Variants in KMT2D observed in about 807,000 individuals in gnomAD.
KMT2D encodes the protein histone-lysine N-methyltransferase 2D.
In KMT2D, 55 loss-of-function variants were observed where a neutral mutation model predicts 512.7. That is an observed-to-expected ratio of 0.11 (90% CI 0.09 to 0.13). The LOEUF (loss-of-function observed/expected upper bound fraction) is 0.13, where lower values mean the gene tolerates loss of function less well. KMT2D is among the 10% of genes least tolerant of loss of function. The pLI, the probability that KMT2D is intolerant of heterozygous loss-of-function variation, is 1.00. For synonymous variants in KMT2D, 2,995 were observed against 2,904.0 expected (o/e 1.03, Z -1.01); for missense variants, 6,061 against 7,127.9 (o/e 0.85, Z 5.39).
Position 49,044,369 on chromosome 12 carries a change from C to G in KMT2D, c.5083+34G>C, listed in dbSNP as rs1486130555. 6.2e-7 allele frequency: 1 copy of G among 1,613,788 alleles called. No homozygotes were observed. The highest frequency in any genetic ancestry group is 1.7e-5 in the Admixed American group (1 of 60,002). On this transcript the variant is annotated intron_variant, in intron 21 of 54. Transcript: ENST00000301067. The surrounding 1 kb of genome is among the most constrained non-coding windows in gnomAD (Gnocchi z 6.4). ...GACCTATTGAGCTGCCCCGCACCAC[C>G]CCACCACCCCACAACCCCATCCCAG...
Position 49,054,853 on chromosome 12 carries a change from T to C in KMT2D, c.176+47A>G, listed in dbSNP as rs749760606. Reference sequence around the variant, plus strand: ...ACTCATTTTCCTAAATTCTCTTCCTTGAAAGCCCTAGACTCTCAAATCCTC... The same window carrying C: ...ACTCATTTTCCTAAATTCTCTTCCTCGAAAGCCCTAGACTCTCAAATCCTC... On this transcript the variant is annotated intron_variant, in intron 3 of 54. Coordinates refer to ENST00000301067, the MANE Select transcript of KMT2D (RefSeq NM_003482.4). This position sits in a 1 kb window ranked among gnomAD's most constrained non-coding sequence, Gnocchi z 6.4. 50 of 1,604,694 alleles carry C rather than the reference T, an allele frequency of 3.1e-5. No individual in the cohort carries two copies. In the East Asian group the frequency reaches 3.4e-4, roughly 11 times the overall value.
In KMT2D at chr12:49,040,870, C is replaced by A. The variant is rs1453597957; in HGVS notation, c.6900G>T (p.Gly2300=). Residue 2300 remains glycine (G), a synonymous_variant, in exon 32 of 55, where the codon GGG becomes GGT. Coordinates refer to ENST00000301067, the MANE Select transcript of KMT2D (RefSeq NM_003482.4). The part of the protein sequence containing the change: ...EELGASSPSY[G]PPNLGFVDSP... Reference sequence around the variant, plus strand: ...AGTCAACAAAGCCCAGGTTTGGGGGCCCATAGCTAGGAGAGGATGCCCCAA... The same window carrying A: ...AGTCAACAAAGCCCAGGTTTGGGGGACCATAGCTAGGAGAGGATGCCCCAA... 1.2e-6 allele frequency: 2 copies of A among 1,613,750 alleles called. No individual in the cohort carries two copies. Among genetic ancestry groups the A allele is most frequent in the East Asian group, 2.2e-5 (1 of 44,854 alleles).
rs1467865602 is a variant in KMT2D at position 49,044,003 on chromosome 12, G to A, written c.5189-5C>T. 1.2e-6 allele frequency: 2 copies of A among 1,613,948 alleles called. No homozygotes were observed. The highest frequency in any genetic ancestry group is 1.7e-4 in the Middle Eastern group (1 of 6,052). ...CAGGCAGGTCAGCAGGTATCACTGT[G>A]GACAGAACGGAAGTGTCAGACTCGG... On this transcript the variant is annotated splice_region_variant and splice_polypyrimidine_tract_variant and intron_variant, in intron 22 of 54. Transcript: ENST00000301067. The surrounding 1 kb of genome is among the most constrained non-coding windows in gnomAD (Gnocchi z 6.4).
In KMT2D at chr12:49,020,213, G is replaced by A. The variant is rs1026470005; in HGVS notation, c.*1567C>T. On this transcript the variant is annotated 3_prime_UTR_variant, in exon 55 of 55. Coordinates refer to ENST00000301067, the MANE Select transcript of KMT2D (RefSeq NM_003482.4). Reference sequence around the variant, plus strand: ...GCTCTCTTTTGTGCGTTATAACATAGTCCAACTATACAACAGGGGGTGGGA... The same window carrying A: ...GCTCTCTTTTGTGCGTTATAACATAATCCAACTATACAACAGGGGGTGGGA... 3 of 175,722 alleles carry A rather than the reference G, an allele frequency of 1.7e-5. No individual in the cohort carries two copies. Among genetic ancestry groups the A allele is most frequent in the Admixed American group, 6.3e-5 (1 of 15,754 alleles). The allele number at this position is 175,722 out of a possible 1,614,324, so 10.9% of individuals were successfully genotyped here.
chr12:49,052,012 T>C lies in KMT2D; in HGVS notation c.1671A>G (p.Pro557=), dbSNP rs531954120. Residue 557 remains proline (P), a synonymous_variant, in exon 11 of 55, where the codon CCA becomes CCG. Transcript: ENST00000301067. ...GCGGGGAAGTGGGCAATTCCTCAGG[T>C]GGCGGGGACAAAGGAGATTCTTCAA... ...PPFEESPLSP[P]PEELPTSPPP... 3 of 1,610,900 alleles carry C rather than the reference T, an allele frequency of 1.9e-6. No individual in the cohort carries two copies. Among genetic ancestry groups the C allele is most frequent in the South Asian group, 1.1e-5 (1 of 90,954 alleles).
rs148365230 is a variant in KMT2D, at chr12:49,030,463, T to G, written c.13840-24A>C. On this transcript the variant is annotated intron_variant, in intron 42 of 54. Coordinates refer to ENST00000301067, the MANE Select transcript of KMT2D (RefSeq NM_003482.4). ...TTCTGAGGGGTGGGGGGTGGGGTGT[T>G]GTGTGCAAGATGGCATAGGGAGACT... 1,203 of 1,030,816 alleles carry G rather than the reference T, an allele frequency of 1.2e-3. 2 individuals carry two copies. Among genetic ancestry groups the G allele is most frequent in the Non-Finnish European group, 1.6e-3 (1,102 of 692,026 alleles). 63.9% of individuals were successfully genotyped at this position (1,030,816 alleles called of 1,614,324 possible). A position where few individuals can be genotyped will look rare whatever the true frequency, so the allele number is the denominator to read the frequency against.
Position 49,019,368 on chromosome 12 carries a change from G to A in KMT2D, c.*2412C>T, listed in dbSNP as rs1337033591. 2 of 138,370 alleles carry A rather than the reference G, an allele frequency of 1.4e-5. No homozygotes were observed. Among genetic ancestry groups the A allele is most frequent in the Admixed American group, 1.5e-4 (2 of 13,626 alleles). 8.6% of individuals were successfully genotyped at this position (138,370 alleles called of 1,614,324 possible). A position where few individuals can be genotyped will look rare whatever the true frequency, so the allele number is the denominator to read the frequency against. ...CAACCCAAAATACAAACACGGGGGC[G>A]GGGGGTGGGGTGGGGGATTCTGATG... On this transcript the variant is annotated 3_prime_UTR_variant, in exon 55 of 55. Transcript: ENST00000301067.
chr12:49,053,261 A>T lies in KMT2D; in HGVS notation c.900T>A (p.Thr300=), dbSNP rs1397101572. The change falls in exon 8 of 55, where the codon ACT becomes ACA. Residue 300 remains threonine (T), a synonymous_variant. Transcript: ENST00000301067. The part of the protein sequence containing the change: ...VCETCDKGYH[T]FCLKPPMEEL... ...CCTCCATGGGTGGTTTTAGGCAGAA[A>T]GTATGGTATCCTTTGTCACACGTCT... is the stretch of plus-strand genomic sequence containing the variant. 1.9e-6 allele frequency: 3 copies of T among 1,614,022 alleles called. No individual in the cohort carries two copies. The highest frequency in any genetic ancestry group is 2.5e-6 in the Non-Finnish European group (3 of 1,179,894).
rs1222329781 is a variant in KMT2D at position 49,031,657 on chromosome 12, T to C, written c.13048A>G (p.Thr4350Ala). ...HPGTPKPQGPTLEPPPGRVSP... is the reference protein window; with the variant it reads ...HPGTPKPQGPALEPPPGRVSP... ...ACCCTCCCAGGAGGCGGCTCCAAGGTTGGCCCCTGAGGTTTGGGGGTCCCT... is the reference window on the plus strand; with the variant it reads ...ACCCTCCCAGGAGGCGGCTCCAAGGCTGGCCCCTGAGGTTTGGGGGTCCCT... Residue 4350 changes from threonine to alanine, a missense_variant, in exon 40 of 55, where the codon ACC (threonine) becomes GCC (alanine). Physicochemically the swap from Thr to Ala is moderately conservative, Grantham distance 58. This residue lies in a region of KMT2D where 1,600 missense variants were observed against 1,754.9 expected (regional missense o/e 0.91). Coordinates refer to ENST00000301067, the MANE Select transcript of KMT2D (RefSeq NM_003482.4). 31 of 1,608,524 alleles carry C rather than the reference T, an allele frequency of 1.9e-5. No individual in the cohort carries two copies. The highest frequency in any genetic ancestry group is 2.5e-5 in the Non-Finnish European group (30 of 1,177,750).
rs375114492 is a variant in KMT2D at position 49,040,452 on chromosome 12, C to T, written c.7318G>A (p.Val2440Ile). The T allele has an allele frequency of 9.6e-6, 15 of 1,561,734 alleles. No individual in the cohort carries two copies. Among genetic ancestry groups the T allele is most frequent in the African/African-American group, 5.5e-5 (4 of 73,372 alleles). Residue 2440 changes from valine to isoleucine, a missense_variant, in exon 32 of 55, where the codon GTT (valine) becomes ATT (isoleucine). Physicochemically the swap from Val to Ile is conservative, Grantham distance 29. Coordinates refer to ENST00000301067, the MANE Select transcript of KMT2D (RefSeq NM_003482.4). ...TCAGGGGACTGGAAGCGAGGGGTAACGGGTGATGGGCAAAAAGCTTCAGCA... is the reference window on the plus strand; with the variant it reads ...TCAGGGGACTGGAAGCGAGGGGTAATGGGTGATGGGCAAAAAGCTTCAGCA... The part of the protein sequence containing the change: ...LSAEAFCPSP[V>I]TPRFQSPDPY...
At position 49,044,437 on chromosome 12, in the gene KMT2D, T is replaced by C. The variant is rs1271244553; in HGVS notation, c.5049A>G (p.Glu1683=). The C allele has an allele frequency of 1.9e-6, 3 of 1,613,916 alleles. No individual in the cohort carries two copies. Among genetic ancestry groups the C allele is most frequent in the South Asian group, 1.1e-5 (1 of 91,076 alleles). The change falls in exon 21 of 55, where the codon GAA becomes GAG. Residue 1683 remains glutamate, a synonymous_variant. Coordinates refer to ENST00000301067, the MANE Select transcript of KMT2D (RefSeq NM_003482.4). This position sits in a 1 kb window ranked among gnomAD's most constrained non-coding sequence, Gnocchi z 6.4. ...ATGGTTTACGCTTGCGTTTTTTGCT[T>C]TCCTCGGTCTCCTCTTTGCCAGGCT... The part of the protein sequence containing the change: ...DVEPGKEETE[E]SKKRKRKPYR...
Position 49,040,944 on chromosome 12 carries a change from G to A in KMT2D, c.6826C>T (p.Pro2276Ser), listed in dbSNP as rs368486128. The change falls in exon 32 of 55, where the codon CCA becomes TCA. Residue 2276 changes from proline (P) to serine (S), a missense_variant. Pro to Ser is a moderately conservative substitution (Grantham distance 74). This residue lies in a region of KMT2D where 710 missense variants were observed against 647.3 expected (regional missense o/e 1.10). Coordinates refer to ENST00000301067, the MANE Select transcript of KMT2D (RefSeq NM_003482.4). ...GCCTTCCGGGACTCCCCAAAAGGTG[G>A]GGGCGAGAGCAGGGGCTCGGAAGCT... ...GKASEPLLSP[P>S]PFGESRKALE... is the part of the protein sequence containing the mutation. The A allele has an allele frequency of 8.1e-6, 13 of 1,613,340 alleles. No individual in the cohort carries two copies. The African/African-American group carries it at 1.6e-4, about 20-fold the overall frequency.
rs769663534 is a variant in KMT2D, at chr12:49,040,375, T to C, written c.7395A>G (p.Pro2465=). The stretch of plus-strand genomic sequence containing the variant: ...GCTGGGGTCGGGGTGGCTTATGCAA[T>C]GGGGCAAATGGGTCACGGGACTGAG... ...SRPQSRDPFA[P]LHKPPRPQPP... is the part of the protein sequence containing the mutation. Residue 2465 remains proline (P), a synonymous_variant, in exon 32 of 55, where the codon CCA becomes CCG. Transcript: ENST00000301067. 2.6e-5 allele frequency: 41 copies of C among 1,564,004 alleles called. No individual in the cohort carries two copies. The highest frequency in any genetic ancestry group is 3.3e-5 in the Non-Finnish European group (38 of 1,154,458).
At position 49,041,521 on chromosome 12, in the gene KMT2D, C is replaced by T. The variant is rs755226219; in HGVS notation, c.6249G>A (p.Gln2083=). 1.2e-5 allele frequency: 20 copies of T among 1,613,398 alleles called. No individual in the cohort carries two copies. The South Asian group carries it at 2.2e-4, about 18-fold the overall frequency. ...INKVQKQAES[Q]INKQTKVGDI... ...CGCCCACCTTGGTCTGCTTGTTGATCTGGCTCTCAGCCTGCTACAGGGGGA... is the reference window on the plus strand; with the variant it reads ...CGCCCACCTTGGTCTGCTTGTTGATTTGGCTCTCAGCCTGCTACAGGGGGA... The change falls in exon 32 of 55, where the codon CAG becomes CAA. Residue 2083 remains glutamine, a synonymous_variant. Transcript: ENST00000301067. The surrounding 1 kb of genome is among the most constrained non-coding windows in gnomAD (Gnocchi z 5.4).
Position 49,038,379 on chromosome 12 carries a change from G to C in KMT2D, c.8977C>G (p.Leu2993Val), listed in dbSNP as rs2120495854. Residue 2993 changes from leucine to valine, a missense_variant, in exon 35 of 55, where the codon CTG becomes GTG. By Grantham distance (32) the Leu-to-Val change is conservative. This residue lies in a region of KMT2D where 527 missense variants were observed against 578.9 expected (regional missense o/e 0.91). Coordinates refer to ENST00000301067, the MANE Select transcript of KMT2D (RefSeq NM_003482.4). This position sits in a 1 kb window ranked among gnomAD's most constrained non-coding sequence, Gnocchi z 5.7. Reference protein sequence around the residue: ...AGKLPCEDPELDDDFDAHKAL... With the variant: ...AGKLPCEDPEVDDDFDAHKAL... ...TTGTGGGCATCAAAATCGTCATCCA[G>C]CTCGGGATCCTCACAGGGCAACTTC... 2 of 1,613,924 alleles carry C rather than the reference G, an allele frequency of 1.2e-6. No homozygotes were observed. The highest frequency in any genetic ancestry group is 1.7e-6 in the Non-Finnish European group (2 of 1,179,894).
Position 49,054,495 on chromosome 12 carries a change from T to C in KMT2D, c.400+33A>G, listed in dbSNP as rs2120710059. 1 of 1,588,424 alleles carries C rather than the reference T, an allele frequency of 6.3e-7. No homozygotes were observed. The highest frequency in any genetic ancestry group is 8.6e-7 in the Non-Finnish European group (1 of 1,165,692). ...TGCTGGCTCAGGACTACCCAGCCCT[T>C]ATCCCATTTCCTGCCCCATTCTCCT... is the stretch of plus-strand genomic sequence containing the variant. On this transcript the variant is annotated intron_variant, in intron 4 of 54. Coordinates refer to ENST00000301067, the MANE Select transcript of KMT2D (RefSeq NM_003482.4). The surrounding 1 kb of genome is among the most constrained non-coding windows in gnomAD (Gnocchi z 6.4).
chr12:49,046,238 G>A lies in KMT2D; in HGVS notation c.4583+22C>T, dbSNP rs1396145241. ...GCGAGGCTGGCAACAGGGCCAAAGTGAGGAGAAAGGGATGTTCTCACCGTT... is the reference window on the plus strand; with the variant it reads ...GCGAGGCTGGCAACAGGGCCAAAGTAAGGAGAAAGGGATGTTCTCACCGTT... On this transcript the variant is annotated intron_variant, in intron 17 of 54. Coordinates refer to ENST00000301067, the MANE Select transcript of KMT2D (RefSeq NM_003482.4). This position sits in a 1 kb window ranked among gnomAD's most constrained non-coding sequence, Gnocchi z 4.2. 6.2e-7 allele frequency: 1 copy of A among 1,613,874 alleles called. No homozygotes were observed. The highest frequency in any genetic ancestry group is 1.1e-5 in the South Asian group (1 of 91,070).
rs1420789348 is a variant in KMT2D at position 49,038,615 on chromosome 12, T to C, written c.8741A>G (p.His2914Arg). 2.5e-6 allele frequency: 4 copies of C among 1,612,824 alleles called. No homozygotes were observed. The East Asian group carries it at 8.9e-5, about 36-fold the overall frequency. The change falls in exon 35 of 55, where the codon CAC becomes CGC. Residue 2914 changes from histidine to arginine, a missense_variant. By Grantham distance (29) the His-to-Arg change is conservative. Coordinates refer to ENST00000301067, the MANE Select transcript of KMT2D (RefSeq NM_003482.4). This position sits in a 1 kb window ranked among gnomAD's most constrained non-coding sequence, Gnocchi z 5.7. The part of the protein sequence containing the change: ...PRFYPVSEDP[H>R]RLAPEGLRGL... ...CCGAAGCCCTTCAGGAGCCAGTCGG[T>C]GGGGGTCCTCACTTACAGGGTAAAA... is the stretch of plus-strand genomic sequence containing the variant.
chr12:49,021,862 T>G lies in KMT2D; in HGVS notation c.16532A>C (p.Asp5511Ala). ...RIPKGEELTY[D>A]YQFDFEDDQH... ...ATCGTCCTCAAAATCAAACTGATAG[T>G]CATAGGTTAGCTGAAAAGAGAAGAG... The change falls in exon 55 of 55, where the codon GAC becomes GCC. Residue 5511 changes from aspartate to alanine, a missense_variant. Physicochemically the swap from Asp to Ala is moderately radical, Grantham distance 126 (BLOSUM62 -2). Transcript: ENST00000301067. 1 of 1,613,708 alleles carries G rather than the reference T, an allele frequency of 6.2e-7. No individual in the cohort carries two copies. Among genetic ancestry groups the G allele is most frequent in the Admixed American group, 1.7e-5 (1 of 60,022 alleles).
Sources: gnomAD v4.1 joint callset for allele counts on GRCh38, gnomAD v4.1.1 for gene constraint, gnomAD v4.1.1 regional missense constraint, Gnocchi (gnomAD v3.1) non-coding constraint, MANE v1.5 for transcripts, NCBI Gene and HGNC (gene_info 2026-07-23, HGNC 2026-07-21) for gene names.